The following PTPN4 variants were observed in gnomAD, a reference collection of about 807,000 sequenced individuals.
PTPN4 encodes the protein protein tyrosine phosphatase non-receptor type 4.
Under a neutral mutation model 135.5 loss-of-function variants are expected in PTPN4, and 49 were observed. The observed-to-expected ratio is 0.36, with a 90% CI of 0.29 to 0.46. PTPN4 has a LOEUF of 0.46. Ranked by LOEUF, PTPN4 falls within the 20% of genes least tolerant of loss-of-function variation. The probability of loss-of-function intolerance (pLI) is 1.00; values close to 1 mark genes in which losing one functional copy is unlikely to be tolerated. For missense variants in PTPN4, 860 were observed against 1,101.0 expected (o/e 0.78, Z 3.10); for synonymous variants, 333 against 369.9 (o/e 0.90, Z 1.14).
At chr2:119,778,901 A>G (rs1690886988) in intron 1 of PTPN4, among the ~76,000 whole-genome samples, 1 of 142,668 alleles carries the variant, frequency 7.0e-6, no homozygotes, top group African/African-American at 2.7e-5. Flanking sequence ...GATTTTGCAC[A>G]TGATTACCAG....
At chr2:119,964,652 A>T (rs914562769) in intron 24 of PTPN4, among the ~76,000 whole-genome samples, 2 of 152,178 alleles carry the variant, frequency 1.3e-5, no homozygotes, top group Admixed American at 1.3e-4. Flanking sequence ...TCTTTAAAAT[A>T]CTTTACACAT....
chr2:119,884,051 A>G (rs1678119432), intron 8 of PTPN4, among the ~76,000 whole-genome samples: 1 of 152,124 alleles, frequency 6.6e-6, no homozygotes, highest in Non-Finnish European at 1.5e-5. Flanking sequence ...GGTGCCCGCC[A>G]CCATGCCTGG....
chr2:119,885,333 A>T (rs908689855), intron 8 of PTPN4, among the ~76,000 whole-genome samples: 1 of 152,192 alleles, frequency 6.6e-6, no homozygotes, highest in African/African-American at 2.4e-5. Flanking sequence ...TTGCTATACA[A>T]GCCTCCAACA....
At position 119,785,924 on chromosome 2, in the gene PTPN4, C is replaced by T. The variant is rs376763133; in HGVS notation, c.-17-23913C>T. Among the ~76,000 whole-genome samples, 331 of 152,252 alleles carry T rather than the reference C, an allele frequency of 2.2e-3. 11 individuals are homozygous for T. The South Asian group carries it at 0.065, about 30-fold the overall frequency. On this transcript the variant is annotated intron_variant, in intron 1 of 26. Transcript: ENST00000263708. Reference sequence around the variant, plus strand: ...AGTGCTCCCATGTGGATAGACTGATCCATTCATCTTCACGGTATTTAATCA... The same window carrying T: ...AGTGCTCCCATGTGGATAGACTGATTCATTCATCTTCACGGTATTTAATCA...
chr2:119,807,209 G>T (rs1230917529), intron 1 of PTPN4, among the ~76,000 whole-genome samples: 2 of 151,946 alleles, frequency 1.3e-5, no homozygotes, highest in Non-Finnish European at 2.9e-5. Context: ...CTAGCAGAAG[G>T]CAAGAAATAA....
At chr2:119,882,694 C>A in intron 8 of PTPN4, 71 bp downstream of exon 8, 1 of 1,222,460 alleles carries the variant, frequency 8.2e-7, no homozygotes, top group Non-Finnish European at 1.1e-6. Flanking sequence ...GTTTGAAATT[C>A]TAATATGATG....
chr2:119,761,372 A>G (rs889720496), intron 1 of PTPN4, among the ~76,000 whole-genome samples: 1 of 152,038 alleles, frequency 6.6e-6, no homozygotes, highest in African/African-American at 2.4e-5. Flanking sequence ...TTTAAGGGGG[A>G]AGGAGATGGC....
intron 1 of PTPN4, among the ~76,000 whole-genome samples, chr2:119,796,281 A>G (rs1691257411): frequency 6.6e-6 from 1 of 152,168 alleles, no homozygotes; most frequent in East Asian, 1.9e-4. Flanking sequence ...AACCACCACT[A>G]CAATAAAAAT....
chr2:119,895,929 A>AAG (rs1678317279), intron 9 of PTPN4, among the ~76,000 whole-genome samples: 1 of 151,986 alleles, frequency 6.6e-6, no homozygotes, highest in Non-Finnish European at 1.5e-5. Context: ...AAAAAAAAAA[A>AAG]AAGAGGGGAT....
At chr2:119,919,555 G>A (rs879698430) in intron 11 of PTPN4, among the ~76,000 whole-genome samples, 8 of 152,080 alleles carry the variant, frequency 5.3e-5, no homozygotes, top group Non-Finnish European at 1.2e-4. Flanking sequence ...CCAGCACGGG[G>A]GCTCATGATA....
rs190457205 is a variant in PTPN4 at position 119,780,130 on chromosome 2, A to G, written c.-18+19746A>G. On this transcript the variant is annotated intron_variant, in intron 1 of 26. Coordinates refer to ENST00000263708, the MANE Select transcript of PTPN4 (RefSeq NM_002830.4). ...TATGGAAAAGTAGTAAGAATGGTAT[A>G]TTGAACATCTGTATAATCTTGCATA... Among the ~76,000 whole-genome samples, 10 of 152,298 alleles carry G rather than the reference A, an allele frequency of 6.6e-5. No homozygotes were observed. In the East Asian group the frequency reaches 1.5e-3, roughly 23 times the overall value.
Position 119,980,357 on chromosome 2 carries a change from G to A in PTPN4, c.*3287G>A, listed in dbSNP as rs1050945457. On this transcript the variant is annotated 3_prime_UTR_variant, in exon 27 of 27. Transcript: ENST00000263708. ...TCATCTGCTGGCAGGGTCTGATCAG[G>A]TCTAGAGTATTTAAGGAAAAGTCTC... The A allele has an allele frequency of 6.6e-6, 1 of 152,020 alleles. No individual in the cohort carries two copies. The highest frequency in any genetic ancestry group is 1.5e-5 in the Non-Finnish European group (1 of 67,926). 9.4% of individuals were successfully genotyped at this position (152,020 alleles called of 1,614,324 possible).
chr2:119,967,904 C>T lies in PTPN4; in HGVS notation c.2626C>T (p.Gln876Ter). Residue 876 changes from glutamine (Q) to a stop codon, truncating the protein, a stop_gained, in exon 26 of 27, where the codon CAG becomes TAG. Transcript: ENST00000263708. LOFTEE classifies it high-confidence loss of function. Reference protein sequence around the residue: ...ETAMCLIECNQPVYPLDIVRT... With the variant: ...ETAMCLIECN ...AGCCATGTGTCTCATTGAATGCAAT[C>T]AGCCAGTTTATCCACTAGATATTGT... is the stretch of plus-strand genomic sequence containing the variant. 1.2e-6 allele frequency: 2 copies of T among 1,611,160 alleles called. No individual in the cohort carries two copies. Among genetic ancestry groups the T allele is most frequent in the Non-Finnish European group, 1.7e-6 (2 of 1,177,836 alleles).
At chr2:119,954,583 C>T (rs1679254612) in intron 19 of PTPN4, among the ~76,000 whole-genome samples, 1 of 152,070 alleles carries the variant, frequency 6.6e-6, no homozygotes, top group Non-Finnish European at 1.5e-5. Context: ...TTATAAGCCC[C>T]TATGTTAAAA....
chr2:119,927,860 G>C (rs1273528922), intron 13 of PTPN4, among the ~76,000 whole-genome samples: 3 of 152,030 alleles, frequency 2.0e-5, no homozygotes, highest in Non-Finnish European at 4.4e-5. Flanking sequence ...TTCCTTCTTT[G>C]TGTTTCTGGA....
At chr2:119,762,751 A>G (rs1007582730) in intron 1 of PTPN4, among the ~76,000 whole-genome samples, 1 of 152,130 alleles carries the variant, frequency 6.6e-6, no homozygotes, top group African/African-American at 2.4e-5. Flanking sequence ...AGGAATGGTT[A>G]TTGTGGCTAA....
intron 22 of PTPN4, among the ~76,000 whole-genome samples, chr2:119,960,451 C>T (rs1321104093): frequency 2.0e-5 from 3 of 152,130 alleles, no homozygotes; most frequent in Non-Finnish European, 4.4e-5. Context: ...AAGTCTCTGC[C>T]TCTGAAACAA....
At chr2:119,943,711 C>T (rs191158152) in intron 15 of PTPN4, among the ~76,000 whole-genome samples, 1 of 151,530 alleles carries the variant, frequency 6.6e-6, no homozygotes, top group African/African-American at 2.4e-5. Flanking sequence ...TCAGCCCCCC[C>T]GAGTAGCTGG....
intron 22 of PTPN4, among the ~76,000 whole-genome samples, chr2:119,958,158 GAATAAA>G (rs1157169388): frequency 2.0e-5 from 3 of 151,300 alleles, no homozygotes; most frequent in Non-Finnish European, 2.9e-5. Context: ...CCCATTTCTC[GAATAAA>G]AATAAAAATA....
Sources: gnomAD v4.1 joint callset for allele counts (sites outside exome capture counted in the v4.1 genomes callset) on GRCh38, gnomAD v4.1.1 for gene constraint, MANE v1.5 for transcripts, NCBI Gene and HGNC (gene_info 2026-07-23, HGNC 2026-07-21) for gene names.